Variants in ADAM23 observed in about 807,000 individuals in gnomAD.
ADAM23 encodes the protein ADAM metallopeptidase domain 23.
In ADAM23, 33 loss-of-function variants were observed where a neutral mutation model predicts 120.1. That is an observed-to-expected ratio of 0.27 (90% CI 0.21 to 0.37). The LOEUF is 0.37. ADAM23 is among the 10% of genes least tolerant of loss of function. The probability of loss-of-function intolerance (pLI) is 1.00; values close to 1 mark genes in which losing one functional copy is unlikely to be tolerated. For missense variants in ADAM23, 862 were observed against 1,058.2 expected, an observed-to-expected ratio of 0.81 and a Z score of 2.57; for synonymous variants, 367 against 375.2, an observed-to-expected ratio of 0.98 and a Z score of 0.25.
chr2:206,597,454 C>T (rs1321306223), intron 24 of ADAM23, among the ~76,000 whole-genome samples: 1 of 152,088 alleles, frequency 6.6e-6, no homozygotes, highest in Non-Finnish European at 1.5e-5. Flanking sequence ...GTGTGAGCTA[C>T]CGCGCCTGGC....
chr2:206,557,041 C>T (rs999852753), intron 9 of ADAM23, among the ~76,000 whole-genome samples: 1 of 152,046 alleles, frequency 6.6e-6, no homozygotes, highest in Non-Finnish European at 1.5e-5. Flanking sequence ...CTTCTCATAT[C>T]GATTTCTATA....
chr2:206,537,867 A>C (rs1477595279), intron 4 of ADAM23, among the ~76,000 whole-genome samples: 3 of 152,248 alleles, frequency 2.0e-5, no homozygotes, highest in Non-Finnish European at 4.4e-5. Context: ...CAAGGAAAAC[A>C]GAACTATCCA....
chr2:206,568,493 C>T (rs1020358599), intron 15 of ADAM23, among the ~76,000 whole-genome samples: 4 of 152,146 alleles, frequency 2.6e-5, no homozygotes, highest in Non-Finnish European at 5.9e-5. Flanking sequence ...GTGTCCCAGG[C>T]CCCTCAGGAC....
At chr2:206,494,223 A>C (rs904563384) in intron 3 of ADAM23, among the ~76,000 whole-genome samples, 5 of 152,204 alleles carry the variant, frequency 3.3e-5, no homozygotes, top group Admixed American at 1.3e-4. Context: ...GAACTTACTG[A>C]TTCTGCAAAA....
intron 3 of ADAM23, among the ~76,000 whole-genome samples, chr2:206,516,959 C>A (rs1314964800): frequency 1.3e-5 from 2 of 151,968 alleles, no homozygotes; most frequent in African/African-American, 2.4e-5. Flanking sequence ...GGACATACAC[C>A]AGCAGCATTT....
At chr2:206,488,152 C>T (rs1035306201) in intron 3 of ADAM23, among the ~76,000 whole-genome samples, 1 of 152,228 alleles carries the variant, frequency 6.6e-6, no homozygotes, top group Non-Finnish European at 1.5e-5. Context: ...CAGAGCCCAA[C>T]CTTCTTGCTG....
chr2:206,564,938 G>T (rs1697847734), intron 13 of ADAM23, 82 bp from the exon 14 acceptor site: 2 of 1,404,480 alleles, frequency 1.4e-6, no homozygotes, highest in African/African-American at 1.4e-5. Flanking sequence ...AAGAATTATT[G>T]TAGGAGTTGT....
intron 2 of ADAM23, among the ~76,000 whole-genome samples, chr2:206,446,995 C>G (rs924270340): frequency 6.6e-6 from 1 of 152,164 alleles, no homozygotes; most frequent in African/African-American, 2.4e-5. Flanking sequence ...AGCACCTTTG[C>G]TTAGGATGCT....
chr2:206,459,015 T>C (rs533835238), intron 2 of ADAM23, among the ~76,000 whole-genome samples: 1 of 152,354 alleles, frequency 6.6e-6, no homozygotes, highest in African/African-American at 2.4e-5. Flanking sequence ...ATTTTGGTTT[T>C]TGCGTCTTAA....
chr2:206,521,300 T>C (rs1200986203), intron 3 of ADAM23, among the ~76,000 whole-genome samples: 6 of 152,164 alleles, frequency 3.9e-5, no homozygotes, highest in Admixed American at 2.6e-4. Flanking sequence ...GTTTAGGGGA[T>C]GTAGGGAAAG....
At chr2:206,590,997 A>G (rs778912052) in intron 21 of ADAM23, among the ~76,000 whole-genome samples, 2 of 152,226 alleles carry the variant, frequency 1.3e-5, no homozygotes, top group African/African-American at 2.4e-5. Flanking sequence ...CCAATCCCCA[A>G]TAAGTTAAGG....
At chr2:206,507,370 G>A (rs1209792848) in intron 3 of ADAM23, among the ~76,000 whole-genome samples, 1 of 152,076 alleles carries the variant, frequency 6.6e-6, no homozygotes, top group Admixed American at 6.6e-5. Context: ...AGTGAGTTGA[G>A]TTCTAATGAA....
intron 3 of ADAM23, among the ~76,000 whole-genome samples, chr2:206,515,473 C>T (rs571340551): frequency 6.6e-6 from 1 of 152,214 alleles, no homozygotes; most frequent in Non-Finnish European, 1.5e-5. Context: ...AGTCTTTGCT[C>T]CTGTGTCCTT....
In ADAM23 at chr2:206,458,743, G is replaced by A. The variant is rs532285539; in HGVS notation, c.432+13219G>A. Among the ~76,000 whole-genome samples the A allele has an allele frequency of 9.2e-5, 14 of 152,278 alleles. No individual in the cohort carries two copies. The East Asian group carries it at 1.7e-3, about 19-fold the overall frequency. On this transcript the variant is annotated intron_variant, in intron 2 of 25. Transcript: ENST00000264377. ...CACGTTCAGATGATAATTTCCCCAAGATGTATTCCAATTAGACATCCACCC... is the reference window on the plus strand; with the variant it reads ...CACGTTCAGATGATAATTTCCCCAAAATGTATTCCAATTAGACATCCACCC...
intron 15 of ADAM23, 63 bp downstream of exon 15, chr2:206,567,385 A>C (rs962226264): frequency 6.3e-5 from 83 of 1,327,316 alleles, no homozygotes; most frequent in Non-Finnish European, 4.0e-5. Flanking sequence ...ACAGTGCAAC[A>C]GTGCTGGATA....
At chr2:206,573,343 G>A in intron 18 of ADAM23, 148 bp downstream of exon 18, 1 of 740,028 alleles carries the variant, frequency 1.4e-6, no homozygotes, top group Non-Finnish European at 2.3e-6. Context: ...TCTTGGGGAT[G>A]GGACTCAAGT....
chr2:206,459,997 G>A (rs540791374), intron 2 of ADAM23, among the ~76,000 whole-genome samples: 4 of 151,954 alleles, frequency 2.6e-5, no homozygotes, highest in African/African-American at 9.7e-5. Flanking sequence ...TATCACTCTG[G>A]TTCTCCTCTG....
intron 4 of ADAM23, among the ~76,000 whole-genome samples, chr2:206,536,015 G>T (rs1406103361): frequency 6.6e-6 from 1 of 152,180 alleles, no homozygotes; most frequent in Non-Finnish European, 1.5e-5. Flanking sequence ...CCCAGGTGGG[G>T]AATAAGAGTT....
chr2:206,583,854 A>C (rs932598537), intron 18 of ADAM23, among the ~76,000 whole-genome samples: 8 of 151,992 alleles, frequency 5.3e-5, no homozygotes, highest in African/African-American at 1.9e-4. Flanking sequence ...ATTCTTTTTC[A>C]GGTAAATCAG....
Sources: gnomAD v4.1 joint callset for allele counts (sites outside exome capture counted in the v4.1 genomes callset) on GRCh38, gnomAD v4.1.1 for gene constraint, MANE v1.5 for transcripts, NCBI Gene and HGNC (gene_info 2026-07-23, HGNC 2026-07-21) for gene names.